UGT1A9: variants seen among roughly 807,000 people sequenced by gnomAD.
UGT1A9 encodes the protein UDP glucuronosyltransferase family 1 member A9.
In UGT1A9, 35 loss-of-function variants were observed where a neutral mutation model predicts 45.0. The ratio of observed to expected loss-of-function variants is 0.78; its 90% CI spans 0.59 to 1.03. The LOEUF (loss-of-function observed/expected upper bound fraction) is 1.03. UGT1A9 is among the 50% of genes least tolerant of loss of function. The pLI is 0.00. For synonymous variants in UGT1A9, 278 were observed against 250.6 expected (o/e 1.11, Z -1.03); for missense variants, 687 against 666.6 (o/e 1.03, Z -0.34).
intron 1 of UGT1A9, among the ~76,000 whole-genome samples, chr2:233,759,231 T>G (rs911541986): frequency 6.6e-6 from 1 of 152,228 alleles, no homozygotes; most frequent in African/African-American, 2.4e-5. Context: ...AAATGAAGGA[T>G]GGAAACTTGC....
At chr2:233,754,372 G>A (rs994818909) in intron 1 of UGT1A9, 3 of 279,470 alleles carry the variant, frequency 1.1e-5, no homozygotes, top group East Asian at 9.0e-5. Flanking sequence ...TACAATGATC[G>A]AAAGACAAAC....
At chr2:233,757,125 G>A (rs1455211055) in intron 1 of UGT1A9, among the ~76,000 whole-genome samples, 1 of 151,320 alleles carries the variant, frequency 6.6e-6, no homozygotes, top group Non-Finnish European at 1.5e-5. Context: ...CTAGAGAGGA[G>A]GAATGAGCTT....
chr2:233,675,225 C>T (rs1460975367), intron 1 of UGT1A9, among the ~76,000 whole-genome samples: 1 of 152,124 alleles, frequency 6.6e-6, no homozygotes, highest in Admixed American at 6.6e-5. Flanking sequence ...GATCAAATTT[C>T]AACGTGAGAT....
chr2:233,701,219 C>T (rs2075617264), intron 1 of UGT1A9, among the ~76,000 whole-genome samples: 1 of 152,076 alleles, frequency 6.6e-6, no homozygotes, highest in Non-Finnish European at 1.5e-5. Flanking sequence ...ATTTATAATC[C>T]TTTGGGTATA....
intron 1 of UGT1A9, among the ~76,000 whole-genome samples, chr2:233,722,554 T>C (rs1040385246): frequency 9.9e-5 from 15 of 152,232 alleles, no homozygotes; most frequent in Non-Finnish European, 2.1e-4. Context: ...TTCTTTTGGT[T>C]GATTTGTAGC....
chr2:233,744,550 CAA>C (rs1194427613), intron 1 of UGT1A9, among the ~76,000 whole-genome samples: 3 of 151,848 alleles, frequency 2.0e-5, no homozygotes, highest in Non-Finnish European at 4.4e-5. Flanking sequence ...TTTATTAAGA[CAA>C]AATGTAGTGA....
Position 233,672,463 on chromosome 2 carries a change from C to T in UGT1A9, c.529C>T (p.Leu177Phe). The T allele has an allele frequency of 6.2e-7, 1 of 1,613,966 alleles. No individual in the cohort carries two copies. The highest frequency in any genetic ancestry group is 1.1e-5 in the South Asian group (1 of 91,078). The change falls in exon 1 of 5, where the codon CTT becomes TTT. Residue 177 changes from leucine (L) to phenylalanine (F), a missense_variant. Coordinates refer to ENST00000354728, the MANE Select transcript of UGT1A9 (RefSeq NM_021027.3). ...CGCCAGGGGAATACTTTGCCACTAT[C>T]TTGAAGAAGGTGCACAGTGCCCTGC... is the stretch of plus-strand genomic sequence containing the variant. ...VFARGILCHY[L>F]EEGAQCPAPL...
intron 1 of UGT1A9, chr2:233,748,094 C>T: frequency 6.2e-7 from 1 of 1,612,860 alleles, no homozygotes; most frequent in Non-Finnish European, 8.5e-7. Flanking sequence ...GTGTTCGTGC[C>T]TTCATCCAAT....
At chr2:233,686,425 G>C (rs776332125) in intron 1 of UGT1A9, among the ~76,000 whole-genome samples, 1 of 152,056 alleles carries the variant, frequency 6.6e-6, no homozygotes, top group African/African-American at 2.4e-5. Flanking sequence ...ATAAACACAC[G>C]CATGCTTGAC....
rs2077420155 is a variant in UGT1A9 at position 233,725,272 on chromosome 2, AGG to A, written c.856-41761_856-41760del. ...GAGGAGGCAGAGGCAGAGGAGGCAG[AGG>A]CAGAGGCAGAGGCAGAGGCAGAGGC... is the stretch of plus-strand genomic sequence containing the variant. On this transcript the variant is annotated intron_variant, in intron 1 of 4. Coordinates refer to ENST00000354728, the MANE Select transcript of UGT1A9 (RefSeq NM_021027.3). Among the ~76,000 whole-genome samples, 2 of 38,426 alleles carry A rather than the reference AGG, an allele frequency of 5.2e-5. 1 individual carries two copies. Among genetic ancestry groups the A allele is most frequent in the Admixed American group, 5.0e-4 (2 of 3,998 alleles). The allele number at this position is 38,426 out of a possible 152,430, so 25.2% of individuals were successfully genotyped here. A position where few individuals can be genotyped will look rare whatever the true frequency, so the allele number is the denominator to read the frequency against.
At chr2:233,686,730 C>T (rs1405660638) in intron 1 of UGT1A9, among the ~76,000 whole-genome samples, 1 of 152,212 alleles carries the variant, frequency 6.6e-6, no homozygotes, top group Non-Finnish European at 1.5e-5. Flanking sequence ...TGAAGGTCAA[C>T]CTCTTGCCTT....
intron 1 of UGT1A9, among the ~76,000 whole-genome samples, chr2:233,696,838 AC>A (rs1481479612): frequency 6.6e-6 from 1 of 152,124 alleles, no homozygotes; most frequent in Non-Finnish European, 1.5e-5. Context: ...TCATAAAGGG[AC>A]GTTGAATTTT....
chr2:233,701,851 A>G (rs2075655797), intron 1 of UGT1A9, among the ~76,000 whole-genome samples: 1 of 152,220 alleles, frequency 6.6e-6, no homozygotes, highest in Non-Finnish European at 1.5e-5. Context: ...AGCAGTGTGT[A>G]GAGGGAAATT....
chr2:233,766,296 C>G (rs1251598094), intron 1 of UGT1A9, among the ~76,000 whole-genome samples: 2 of 152,064 alleles, frequency 1.3e-5, no homozygotes, highest in Non-Finnish European at 2.9e-5. Context: ...GTGGCCTGGG[C>G]TCTCCTCCGA....
intron 1 of UGT1A9, chr2:233,681,944 C>T: frequency 6.2e-7 from 1 of 1,612,684 alleles, no homozygotes; most frequent in Non-Finnish European, 8.5e-7. Context: ...TCTGATGGCT[C>T]GTGCAGGGTG....
intron 1 of UGT1A9, among the ~76,000 whole-genome samples, chr2:233,697,012 G>A (rs2075370161): frequency 6.6e-6 from 1 of 151,886 alleles, no homozygotes; most frequent in African/African-American, 2.4e-5. Context: ...ATCTATGTTC[G>A]TCAGAGATAT....
At chr2:233,734,371 T>C (rs1011437447) in intron 1 of UGT1A9, among the ~76,000 whole-genome samples, 3 of 152,202 alleles carry the variant, frequency 2.0e-5, no homozygotes, top group Non-Finnish European at 4.4e-5. Flanking sequence ...GGTGGTGATA[T>C]TGCCTTTACT....
At chr2:233,678,190 G>A (rs2074411420) in intron 1 of UGT1A9, among the ~76,000 whole-genome samples, 1 of 152,190 alleles carries the variant, frequency 6.6e-6, no homozygotes, top group Admixed American at 6.5e-5. Flanking sequence ...GGCTGCAAGA[G>A]TTGAAAAACT....
chr2:233,737,525 C>T (rs943562691), intron 1 of UGT1A9, among the ~76,000 whole-genome samples: 11 of 152,188 alleles, frequency 7.2e-5, no homozygotes, highest in African/African-American at 1.4e-4. Context: ...GGTGAGGCGA[C>T]GCCCTGCCCT....
Sources: gnomAD v4.1 joint callset for allele counts (sites outside exome capture counted in the v4.1 genomes callset) on GRCh38, gnomAD v4.1.1 for gene constraint, MANE v1.5 for transcripts, NCBI Gene and HGNC (gene_info 2026-07-23, HGNC 2026-07-21) for gene names.